HSP90B1: variants seen among roughly 807,000 people sequenced by gnomAD.
HSP90B1 encodes the protein heat shock protein 90 beta family member 1, also known as endoplasmin.
In HSP90B1, 27 loss-of-function variants were observed where a neutral mutation model predicts 100.4. The observed-to-expected ratio is 0.27, with a 90% CI of 0.20 to 0.37. The LOEUF (loss-of-function observed/expected upper bound fraction) is 0.37, where lower values mean the gene tolerates loss of function less well. HSP90B1 is among the 10% of genes least tolerant of loss of function. The pLI is 1.00. For synonymous variants in HSP90B1, 304 were observed against 330.8 expected (o/e 0.92, Z 0.88); for missense variants, 678 against 960.5 (o/e 0.71, Z 3.89).
chr12:103,932,767 C>G, intron 3 of HSP90B1, 59 bp from the exon 4 acceptor site: 2 of 900,028 alleles, frequency 2.2e-6, no homozygotes, highest in South Asian at 1.3e-5. Context: ...GGCATAAAAT[C>G]GAATATCTTA....
At chr12:103,941,937 G>C in intron 11 of HSP90B1, 40 bp downstream of exon 11, 1 of 1,519,680 alleles carries the variant, frequency 6.6e-7, no homozygotes, top group Non-Finnish European at 9.1e-7. Flanking sequence ...TTTGCTGTTT[G>C]ATTGGGGTTC....
chr12:103,943,405 T>C lies in HSP90B1; in HGVS notation c.1890+86T>C. On this transcript the variant is annotated intron_variant, in intron 13 of 17. Transcript: ENST00000299767. The surrounding 1 kb of genome is among the most constrained non-coding windows in gnomAD (Gnocchi z 5.3). ...TGTGAACAAATTAAGCTGCAGCTGG[T>C]TACTTTGTAACCATTAGAATGGTAA... The C allele has an allele frequency of 2.3e-6, 3 of 1,311,118 alleles. No homozygotes were observed. The highest frequency in any genetic ancestry group is 2.2e-6 in the Non-Finnish European group (2 of 922,868). The allele number at this position is 1,311,118 out of a possible 1,614,324, so 81.2% of individuals were successfully genotyped here.
At position 103,943,477 on chromosome 12, in the gene HSP90B1, T is replaced by C; in HGVS notation, c.1890+158T>C. 2 of 743,250 alleles carry C rather than the reference T, an allele frequency of 2.7e-6. No homozygotes were observed. The highest frequency in any genetic ancestry group is 3.3e-4 in the Middle Eastern group (1 of 3,072). 46.0% of individuals were successfully genotyped at this position (743,250 alleles called of 1,614,324 possible). A position where few individuals can be genotyped will look rare whatever the true frequency, so the allele number is the denominator to read the frequency against. ...ATTATTGGGAGAAAGCTTAAAACTT[T>C]CGACAATACTGCTTTGTTAATAACT... On this transcript the variant is annotated intron_variant, in intron 13 of 17. Transcript: ENST00000299767. The surrounding 1 kb of genome is among the most constrained non-coding windows in gnomAD (Gnocchi z 5.3).
In HSP90B1 at chr12:103,941,497, C is replaced by T; in HGVS notation, c.1180C>T (p.Pro394Ser). 9 of 1,614,072 alleles carry T rather than the reference C, an allele frequency of 5.6e-6. No homozygotes were observed. The highest frequency in any genetic ancestry group is 2.2e-5 in the East Asian group (1 of 44,878). Reference protein sequence around the residue: ...KSILFVPTSAPRGLFDEYGSK... With the variant: ...KSILFVPTSASRGLFDEYGSK... ...AATTTTATTTGTACCCACATCTGCTCCACGTGGTCTGTTTGACGAATATGG... is the reference window on the plus strand; with the variant it reads ...AATTTTATTTGTACCCACATCTGCTTCACGTGGTCTGTTTGACGAATATGG... Residue 394 changes from proline (P) to serine (S), a missense_variant, in exon 9 of 18, where the codon CCA becomes TCA. By Grantham distance (74) the Pro-to-Ser change is moderately conservative (BLOSUM62 -1). Coordinates refer to ENST00000299767, the MANE Select transcript of HSP90B1 (RefSeq NM_003299.3).
Position 103,932,175 on chromosome 12 carries a change from C to T in HSP90B1, c.153-102C>T. ...TTTTATAAAGGTTTCCATTTTAACC[C>T]CCAAGACAATATTCAGAGGCCCCTG... On this transcript the variant is annotated intron_variant, in intron 2 of 17. Coordinates refer to ENST00000299767, the MANE Select transcript of HSP90B1 (RefSeq NM_003299.3). 5.5e-6 allele frequency: 5 copies of T among 914,868 alleles called. No individual in the cohort carries two copies. In the South Asian group the frequency reaches 7.6e-5, roughly 14 times the overall value. The allele number at this position is 914,868 out of a possible 1,614,324, so 56.7% of individuals were successfully genotyped here.
rs770239470 is a variant in HSP90B1, at chr12:103,943,805, G to C, written c.1958G>C (p.Gly653Ala). ...SPCALVASQY[G>A]WSGNMERIMK... ...TGTGCTTTGGTGGCCAGCCAGTACG[G>C]ATGGTCTGGCAACATGGAGAGAATC... Residue 653 changes from glycine (G) to alanine (A), a missense_variant, in exon 14 of 18, where the codon GGA becomes GCA. Gly to Ala is a moderately conservative substitution (Grantham distance 60). This residue lies in a region of HSP90B1 where 170 missense variants were observed against 236.7 expected (regional missense o/e 0.72). Coordinates refer to ENST00000299767, the MANE Select transcript of HSP90B1 (RefSeq NM_003299.3). This position sits in a 1 kb window ranked among gnomAD's most constrained non-coding sequence, Gnocchi z 5.3. 3 of 1,614,068 alleles carry C rather than the reference G, an allele frequency of 1.9e-6. No individual in the cohort carries two copies. In the South Asian group the frequency reaches 3.3e-5, roughly 18 times the overall value.
chr12:103,934,633 C>T (rs957267872), intron 5 of HSP90B1, among the ~76,000 whole-genome samples: 2 of 152,214 alleles, frequency 1.3e-5, no homozygotes, highest in South Asian at 4.1e-4. Flanking sequence ...GGCATGGAGG[C>T]ATAGCATGCT....
At position 103,947,416 on chromosome 12, in the gene HSP90B1, G is replaced by A. The variant is rs910493716; in HGVS notation, c.2368G>A (p.Glu790Lys). ...AATGGATGTGGGAACAGATGAAGAA[G>A]AAGAAACAGCAAAGGTATGGCAAAT... Reference protein sequence around the residue: ...EEMDVGTDEEEETAKESTAEK... With the variant: ...EEMDVGTDEEKETAKESTAEK... The change falls in exon 17 of 18, where the codon GAA becomes AAA. Residue 790 changes from glutamate (E) to lysine (K), a missense_variant. Around this residue, in one of 8 missense-constraint regions of HSP90B1, gnomAD observed 65 missense variants for 65.1 expected, o/e 1.00. Transcript: ENST00000299767. 4 of 1,613,982 alleles carry A rather than the reference G, an allele frequency of 2.5e-6. No individual in the cohort carries two copies. Among genetic ancestry groups the A allele is most frequent in the Non-Finnish European group, 2.5e-6 (3 of 1,179,890 alleles).
intron 1 of HSP90B1, 127 bp from the exon 2 acceptor site, chr12:103,931,394 G>T (rs879663086): frequency 1.6e-6 from 1 of 638,164 alleles, no homozygotes; most frequent in Non-Finnish European, 2.8e-6. Context: ...TTAAACCAGG[G>T]AATGCACTCT....
chr12:103,946,983 T>C, intron 16 of HSP90B1, 42 bp downstream of exon 16: 1 of 1,583,654 alleles, frequency 6.3e-7, no homozygotes, highest in Admixed American at 1.9e-5. Flanking sequence ...GCTGGCTTTC[T>C]TTGTTTCTGT....
chr12:103,945,113 CA>C lies in HSP90B1; in HGVS notation c.2027+1240del, dbSNP rs1353260908. 3.9e-5 allele frequency among the ~76,000 whole-genome samples: 6 copies of C among 152,286 alleles called. No individual in the cohort carries two copies. In the East Asian group the frequency reaches 1.2e-3, roughly 29 times the overall value. ...CCATGCACTGATGGTCACAGGTAGA[CA>C]TAACTCCTGTCTTTTCTAACATTTA... On this transcript the variant is annotated intron_variant, in intron 14 of 17. Coordinates refer to ENST00000299767, the MANE Select transcript of HSP90B1 (RefSeq NM_003299.3).
At position 103,947,388 on chromosome 12, in the gene HSP90B1, A is replaced by C. The variant is rs1245850445; in HGVS notation, c.2340A>C (p.Glu780Asp). The part of the protein sequence containing the change: ...TTEDTEQDED[E>D]EMDVGTDEEE... ...AAGACACAGAGCAAGACGAAGATGA[A>C]GAAATGGATGTGGGAACAGATGAAG... The change falls in exon 17 of 18, where the codon GAA becomes GAC. Residue 780 changes from glutamate (E) to aspartate (D), a missense_variant. By Grantham distance (45) the Glu-to-Asp change is conservative. This residue lies in a region of HSP90B1 where 65 missense variants were observed against 65.1 expected (regional missense o/e 1.00). Coordinates refer to ENST00000299767, the MANE Select transcript of HSP90B1 (RefSeq NM_003299.3). 6.2e-7 allele frequency: 1 copy of C among 1,611,688 alleles called. No individual in the cohort carries two copies. The highest frequency in any genetic ancestry group is 1.3e-5 in the African/African-American group (1 of 74,896).
intron 11 of HSP90B1, 60 bp downstream of exon 11, chr12:103,941,957 G>T (rs1405866924): frequency 7.8e-7 from 1 of 1,282,770 alleles, no homozygotes; most frequent in Non-Finnish European, 1.1e-6. Flanking sequence ...CAGAGGACAG[G>T]CTCCATTTGT....
chr12:103,937,838 A>G (rs1593489258), intron 6 of HSP90B1, 32 bp downstream of exon 6: 3 of 1,078,908 alleles, frequency 2.8e-6, no homozygotes, highest in Non-Finnish European at 4.2e-6. Context: ...ACTTATATGT[A>G]TTACCTTGGC....
intron 8 of HSP90B1, among the ~76,000 whole-genome samples, chr12:103,940,087 T>TAAAAAAA (rs1870030321): frequency 6.6e-6 from 1 of 152,172 alleles, no homozygotes. Flanking sequence ...TGTGATTTTT[T>TAAAAAAA]TAAAAAAATT....
At chr12:103,947,009 C>T in intron 16 of HSP90B1, 68 bp downstream of exon 16, 1 of 1,491,962 alleles carries the variant, frequency 6.7e-7, no homozygotes, top group Non-Finnish European at 9.1e-7. Context: ...CAGAATAGGC[C>T]TCTCATGATT....
rs1326429431 is a variant in HSP90B1, at chr12:103,930,692, CT to C, written c.49+129del. 1.1e-5 allele frequency: 8 copies of C among 758,536 alleles called. No individual in the cohort carries two copies. Among genetic ancestry groups the C allele is most frequent in the Non-Finnish European group, 1.7e-5 (8 of 471,310 alleles). The allele number at this position is 758,536 out of a possible 1,614,324, so 47.0% of individuals were successfully genotyped here. On this transcript the variant is annotated intron_variant, in intron 1 of 17. Coordinates refer to ENST00000299767, the MANE Select transcript of HSP90B1 (RefSeq NM_003299.3). This position sits in a 1 kb window ranked among gnomAD's most constrained non-coding sequence, Gnocchi z 4.4. ...GGTGGGCCAAGGGACGTCACCATTC[CT>C]CGAAAGAGGGCAAGGGAATTACGTT...
At position 103,947,404 on chromosome 12, in the gene HSP90B1, A is replaced by G; in HGVS notation, c.2356A>G (p.Thr786Ala). The G allele has an allele frequency of 6.2e-7, 1 of 1,611,502 alleles. No individual in the cohort carries two copies. The highest frequency in any genetic ancestry group is 8.5e-7 in the Non-Finnish European group (1 of 1,178,574). The change falls in exon 17 of 18, where the codon ACA becomes GCA. Residue 786 changes from threonine (T) to alanine (A), a missense_variant. Thr to Ala is a moderately conservative substitution (Grantham distance 58, BLOSUM62 0). Transcript: ENST00000299767. ...QDEDEEMDVGTDEEEETAKES... is the reference protein window; with the variant it reads ...QDEDEEMDVGADEEEETAKES... ...CGAAGATGAAGAAATGGATGTGGGA[A>G]CAGATGAAGAAGAAGAAACAGCAAA...
chr12:103,940,431 C>G (rs1263408411), intron 8 of HSP90B1, among the ~76,000 whole-genome samples: 1 of 151,994 alleles, frequency 6.6e-6, no homozygotes, highest in Non-Finnish European at 1.5e-5. Context: ...AATGTTTCCC[C>G]AGCAGCATTT....
Sources: gnomAD v4.1 joint callset for allele counts (sites outside exome capture counted in the v4.1 genomes callset) on GRCh38, gnomAD v4.1.1 for gene constraint, gnomAD v4.1.1 regional missense constraint, Gnocchi (gnomAD v3.1) non-coding constraint, MANE v1.5 for transcripts, NCBI Gene and HGNC (gene_info 2026-07-23, HGNC 2026-07-21) for gene names.